The following SESN1 variants were observed in gnomAD, a reference collection of about 807,000 sequenced individuals.
SESN1 encodes the protein sestrin 1.
SESN1 carries 30 observed loss-of-function variants against 59.3 expected under a neutral mutation model. That is an observed-to-expected ratio of 0.51 (90% CI 0.38 to 0.69). The LOEUF (loss-of-function observed/expected upper bound fraction) is 0.69, where lower values mean the gene tolerates loss of function less well. Among genes scored for constraint, SESN1 ranks in the 30% least tolerant of loss-of-function variants. SESN1 has a pLI of 0.00. For missense variants in SESN1, 566 were observed against 673.0 expected, an observed-to-expected ratio of 0.84 and a Z score of 1.76; for synonymous variants, 197 against 219.9, an observed-to-expected ratio of 0.90 and a Z score of 0.92.
chr6:109,088,440 T>C (rs1294526994), intron 1 of SESN1, among the ~76,000 whole-genome samples: 1 of 151,900 alleles, frequency 6.6e-6, no homozygotes, highest in East Asian at 1.9e-4. Context: ...CAGCTATAAA[T>C]GTGCATCCTA....
At chr6:109,039,246 CA>C (rs1212602080) in intron 1 of SESN1, among the ~76,000 whole-genome samples, 2 of 152,004 alleles carry the variant, frequency 1.3e-5, no homozygotes, top group East Asian at 3.9e-4. Flanking sequence ...AGACCATGAC[CA>C]AAGATAAATT....
At chr6:108,988,382 T>C (rs1779259928) in intron 9 of SESN1, 161 bp downstream of exon 9, 1 of 555,316 alleles carries the variant, frequency 1.8e-6, no homozygotes. Context: ...ATCAACATAA[T>C]CAGGTTCCCT....
At chr6:108,998,449 G>GA (rs1779544100) in intron 5 of SESN1, 64 bp downstream of exon 5, 2 of 1,584,206 alleles carry the variant, frequency 1.3e-6, no homozygotes, top group Admixed American at 3.4e-5. Flanking sequence ...GCCAACTGAA[G>GA]AAATAATATA....
At chr6:108,996,954 G>GT (rs1193814300) in intron 5 of SESN1, among the ~76,000 whole-genome samples, 1 of 147,078 alleles carries the variant, frequency 6.8e-6, no homozygotes, top group Non-Finnish European at 1.5e-5. Flanking sequence ...GCTACGTACT[G>GT]TATGATTCCA....
At chr6:109,031,076 C>T (rs1241444757) in intron 1 of SESN1, among the ~76,000 whole-genome samples, 1 of 152,030 alleles carries the variant, frequency 6.6e-6, no homozygotes, top group Non-Finnish European at 1.5e-5. Flanking sequence ...CTGCAAATAT[C>T]CAGAAGTAGG....
chr6:109,050,631 C>T (rs1780527009), intron 1 of SESN1, among the ~76,000 whole-genome samples: 1 of 152,176 alleles, frequency 6.6e-6, no homozygotes, highest in Non-Finnish European at 1.5e-5. Context: ...AATGGGCAGG[C>T]AGCAGAAGTT....
In SESN1 at chr6:109,093,962, A is replaced by G. The variant is rs1562480577; in HGVS notation, c.112T>C (p.Tyr38His). ...IRQTILRKTE[Y>H]LRSVKETPHR... ...GGTGTTTCTTTCACCGAACGAAGATACTCGGTTTTCCTCAAAATGGTTTGC... is the reference window on the plus strand; with the variant it reads ...GGTGTTTCTTTCACCGAACGAAGATGCTCGGTTTTCCTCAAAATGGTTTGC... The change falls in exon 1 of 10, where the codon TAT (tyrosine) becomes CAT (histidine). Residue 38 changes from tyrosine to histidine, a missense_variant. Tyr to His is a moderately conservative substitution (Grantham distance 83, BLOSUM62 2). Transcript: ENST00000436639. The G allele has an allele frequency of 6.2e-7, 1 of 1,614,160 alleles. No individual in the cohort carries two copies. Among genetic ancestry groups the G allele is most frequent in the Non-Finnish European group, 8.5e-7 (1 of 1,180,036 alleles).
At chr6:109,040,326 C>T (rs927177892) in intron 1 of SESN1, among the ~76,000 whole-genome samples, 1 of 149,700 alleles carries the variant, frequency 6.7e-6, no homozygotes, top group Non-Finnish European at 1.5e-5. Context: ...AAAAGTATTA[C>T]GACTGAGGAT....
intron 1 of SESN1, among the ~76,000 whole-genome samples, chr6:109,046,024 T>C (rs976670425): frequency 6.6e-6 from 1 of 152,250 alleles, no homozygotes; most frequent in Non-Finnish European, 1.5e-5. Context: ...ATAATTCATA[T>C]ACTTTGGAAC....
intron 5 of SESN1, among the ~76,000 whole-genome samples, chr6:108,995,964 C>T (rs1392661262): frequency 6.6e-6 from 1 of 152,180 alleles, no homozygotes; most frequent in East Asian, 1.9e-4. Flanking sequence ...CTGTCATTTA[C>T]CCCACAAGCT....
chr6:109,087,644 C>T (rs1222763361), intron 1 of SESN1, among the ~76,000 whole-genome samples: 1 of 152,088 alleles, frequency 6.6e-6, no homozygotes, highest in African/African-American at 2.4e-5. Context: ...TAAGAGTCAG[C>T]AGTGAATGTT....
At chr6:108,996,670 A>G (rs1013903694) in intron 5 of SESN1, among the ~76,000 whole-genome samples, 3 of 152,140 alleles carry the variant, frequency 2.0e-5, no homozygotes, top group Non-Finnish European at 2.9e-5. Flanking sequence ...TAATATTAAA[A>G]TGTTAAAATT....
intron 1 of SESN1, among the ~76,000 whole-genome samples, chr6:109,070,719 T>G (rs1444222134): frequency 1.3e-5 from 2 of 152,252 alleles, no homozygotes; most frequent in Non-Finnish European, 2.9e-5. Flanking sequence ...TTTTAGTGGT[T>G]CTCTATTACT....
intron 1 of SESN1, among the ~76,000 whole-genome samples, chr6:109,032,831 A>AT (rs979179261): frequency 1.4e-4 from 21 of 152,120 alleles, no homozygotes; most frequent in Admixed American, 1.2e-3. Flanking sequence ...TTTTATAGCC[A>AT]TTGCTTGAGG....
intron 1 of SESN1, among the ~76,000 whole-genome samples, chr6:109,053,831 A>G (rs1360652318): frequency 6.6e-6 from 1 of 152,232 alleles, no homozygotes; most frequent in African/African-American, 2.4e-5. Flanking sequence ...ATCTGTATTA[A>G]TAAGTATGCA....
chr6:109,028,099 G>T (rs1780123723), intron 1 of SESN1, among the ~76,000 whole-genome samples: 1 of 151,764 alleles, frequency 6.6e-6, no homozygotes, highest in Non-Finnish European at 1.5e-5. Context: ...AATGTCTCAT[G>T]CTTGTATTCT....
intron 5 of SESN1, among the ~76,000 whole-genome samples, chr6:108,997,079 C>T (rs1779515214): frequency 6.6e-6 from 1 of 152,072 alleles, no homozygotes. Context: ...ATCTGAAGAG[C>T]TGAGTCAGAT....
At position 108,993,430 on chromosome 6, in the gene SESN1, G is replaced by GT. The variant is rs1244454308; in HGVS notation, c.1121-532dup. 2.0e-5 allele frequency among the ~76,000 whole-genome samples: 3 copies of GT among 152,212 alleles called. No homozygotes were observed. In the East Asian group the frequency reaches 5.8e-4, roughly 29 times the overall value. On this transcript the variant is annotated intron_variant, in intron 6 of 9. Transcript: ENST00000436639. ...TTGATGAGATTATAGTTTCATGTAA[G>GT]TGTATCATTAGATGACAACTCTACA...
chr6:109,052,812 T>A (rs1780562383), intron 1 of SESN1, among the ~76,000 whole-genome samples: 1 of 152,010 alleles, frequency 6.6e-6, no homozygotes, highest in Non-Finnish European at 1.5e-5. Context: ...CTTTAGTTCA[T>A]TCATTTGTCC....
Sources: allele counts gnomAD v4.1 joint callset (sites outside exome capture counted in the v4.1 genomes callset), GRCh38; gene constraint gnomAD v4.1.1; transcripts MANE v1.5; gene names NCBI Gene and HGNC (gene_info 2026-07-23, HGNC 2026-07-21).